Variants in LRFN3 observed in about 807,000 individuals in gnomAD.
The protein encoded by LRFN3 is leucine rich repeat and fibronectin type III domain containing 3.
In LRFN3, 8 loss-of-function variants were observed where a neutral mutation model predicts 23.8. That is an observed-to-expected ratio of 0.34 (90% confidence interval 0.20 to 0.61). The LOEUF is 0.61. Ranked by LOEUF, LRFN3 falls within the 20% of genes least tolerant of loss-of-function variation. The pLI is 0.80. For missense variants in LRFN3, 736 were observed against 935.3 expected (o/e 0.79, Z 2.78); for synonymous variants, 451 against 450.6 (o/e 1.00, Z -0.01).
rs62109676 is a variant in LRFN3, at chr19:35,936,840, G to C, written c.-732G>C. 26,710 of 152,076 alleles carry C rather than the reference G, an allele frequency of 0.18. 2,945 individuals are homozygous for C. The highest frequency in any genetic ancestry group is 0.33 in the East Asian group (1,680 of 5,154). The allele number at this position is 152,076 out of a possible 1,614,324, so 9.4% of individuals were successfully genotyped here. A position where few individuals can be genotyped will look rare whatever the true frequency, so the allele number is the denominator to read the frequency against. The stretch of plus-strand genomic sequence containing the variant: ...CGGCCGTGGAACCCCAAGATCTGGA[G>C]CCTGAACCCCAGTATATGGGGCTGG... On this transcript the variant is annotated 5_prime_UTR_variant, in exon 1 of 3. Coordinates refer to ENST00000246529, the MANE Select transcript of LRFN3 (RefSeq NM_024509.2).
At chr19:35,940,910 A>G in intron 2 of LRFN3, 70 bp downstream of exon 2, 3 of 1,447,300 alleles carry the variant, frequency 2.1e-6, no homozygotes, top group Non-Finnish European at 2.7e-6. Context: ...GGGTACACCT[A>G]CTAATACCCT....
In LRFN3 at chr19:35,945,209, G is replaced by A. The variant is rs777113022; in HGVS notation, c.*190G>A. The A allele has an allele frequency of 1.7e-5, 8 of 461,854 alleles. No homozygotes were observed. Among genetic ancestry groups the A allele is most frequent in the Non-Finnish European group, 3.0e-5 (8 of 265,510 alleles). 28.6% of individuals were successfully genotyped at this position (461,854 alleles called of 1,614,324 possible). The stretch of plus-strand genomic sequence containing the variant: ...AGCTTGGGCGAAGACCCTTGCCCTC[G>A]TCTCTGTCTATGGGGGTTGGGGGAC... On this transcript the variant is annotated 3_prime_UTR_variant, in exon 3 of 3. Coordinates refer to ENST00000246529, the MANE Select transcript of LRFN3 (RefSeq NM_024509.2).
rs759684398 is a variant in LRFN3 at position 35,940,373 on chromosome 19, C to A, written c.948C>A (p.Arg316=). 5 of 1,571,104 alleles carry A rather than the reference C, an allele frequency of 3.2e-6. No homozygotes were observed. The highest frequency in any genetic ancestry group is 4.3e-6 in the Non-Finnish European group (5 of 1,163,952). ...AVPAGRPAAL[R]CRAVGDPEPR... ...CCGCAGGTCGGCCGGCTGCCCTGCG[C>A]TGCCGGGCAGTGGGGGACCCAGAGC... is the stretch of plus-strand genomic sequence containing the variant. The change falls in exon 2 of 3, where the codon CGC becomes CGA. Residue 316 remains arginine, a synonymous_variant. Coordinates refer to ENST00000246529, the MANE Select transcript of LRFN3 (RefSeq NM_024509.2).
chr19:35,942,470 C>T (rs1204068450), intron 2 of LRFN3, among the ~76,000 whole-genome samples: 2 of 152,202 alleles, frequency 1.3e-5, no homozygotes, highest in South Asian at 2.1e-4. Flanking sequence ...GGATGGACTG[C>T]GGCTGTGGGT....
rs1021969166 is a variant in LRFN3 at position 35,945,364 on chromosome 19, C to T, written c.*345C>T. The T allele has an allele frequency of 1.4e-5, 3 of 213,752 alleles. No individual in the cohort carries two copies. The highest frequency in any genetic ancestry group is 2.2e-4 in the East Asian group (2 of 9,156). 13.2% of individuals were successfully genotyped at this position (213,752 alleles called of 1,614,324 possible). On this transcript the variant is annotated 3_prime_UTR_variant, in exon 3 of 3. Transcript: ENST00000246529. ...CAGACAATAGATGTTCCCTGCGTGT[C>T]GGCTCTGAGCATGCCCTGGGTTGGG...
At position 35,946,287 on chromosome 19, in the gene LRFN3, C is replaced by T. The variant is rs1056170982; in HGVS notation, c.*1268C>T. 4.0e-5 allele frequency among the ~76,000 whole-genome samples: 6 copies of T among 151,590 alleles called. No individual in the cohort carries two copies. The highest frequency in any genetic ancestry group is 1.9e-4 in the East Asian group (1 of 5,166). On this transcript the variant is annotated 3_prime_UTR_variant, in exon 3 of 3. Transcript: ENST00000246529. ...GGAACTGACGCTGCTGGGGTTAAGA[C>T]GGCTTCTTGTGGGGGATGATTCCAA...
Position 35,945,027 on chromosome 19 carries a change from C to G in LRFN3, c.*8C>G, listed in dbSNP as rs1288770883. On this transcript the variant is annotated 3_prime_UTR_variant, in exon 3 of 3. Coordinates refer to ENST00000246529, the MANE Select transcript of LRFN3 (RefSeq NM_024509.2). ...GAACCTGTGGGACCCTAGCCAGGCG[C>G]CCCCCCCTCTAAGGGTCCTCTGGCC... 7.7e-7 allele frequency: 1 copy of G among 1,295,944 alleles called. No homozygotes were observed. The highest frequency in any genetic ancestry group is 9.6e-7 in the Non-Finnish European group (1 of 1,045,512). The allele number at this position is 1,295,944 out of a possible 1,614,324, so 80.3% of individuals were successfully genotyped here. A position where few individuals can be genotyped will look rare whatever the true frequency, so the allele number is the denominator to read the frequency against.
Position 35,937,466 on chromosome 19 carries a change from GA to G in LRFN3, c.-102del. ...CCCTCTACAGAAGCCTTGGGGACAG[GA>G]AAAGCATGACCAGATGCTCCCTCCA... On this transcript the variant is annotated 5_prime_UTR_variant, in exon 1 of 3. Coordinates refer to ENST00000246529, the MANE Select transcript of LRFN3 (RefSeq NM_024509.2). 6.5e-6 allele frequency: 1 copy of G among 152,828 alleles called. No homozygotes were observed. The highest frequency in any genetic ancestry group is 1.5e-5 in the Non-Finnish European group (1 of 68,134). The allele number at this position is 152,828 out of a possible 1,614,324, so 9.5% of individuals were successfully genotyped here. A position where few individuals can be genotyped will look rare whatever the true frequency, so the allele number is the denominator to read the frequency against.
chr19:35,944,221 C>T lies in LRFN3; in HGVS notation c.1416-327C>T, dbSNP rs1266420322. On this transcript the variant is annotated intron_variant, in intron 2 of 2. Coordinates refer to ENST00000246529, the MANE Select transcript of LRFN3 (RefSeq NM_024509.2). This position sits in a 1 kb window ranked among gnomAD's most constrained non-coding sequence, Gnocchi z 4.5. The stretch of plus-strand genomic sequence containing the variant: ...AACAGAAAGAAAGAAAGAAAAGAAA[C>T]AGGATGGATTGGAAGAACTCACGTG... Among the ~76,000 whole-genome samples the T allele has an allele frequency of 6.6e-6, 1 of 152,028 alleles. No homozygotes were observed. The highest frequency in any genetic ancestry group is 6.6e-5 in the Admixed American group (1 of 15,244).
Position 35,939,824 on chromosome 19 carries a change from G to T in LRFN3, c.399G>T (p.Leu133Phe). Residue 133 changes from leucine to phenylalanine, a missense_variant, in exon 2 of 3, where the codon TTG (leucine) becomes TTT (phenylalanine). By Grantham distance (22) the Leu-to-Phe change is conservative. Transcript: ENST00000246529. This position sits in a 1 kb window ranked among gnomAD's most constrained non-coding sequence, Gnocchi z 6.4. ...GCCAGCTGCGCGGCCTGGTCAACTT[G>T]CGCCACCTCATCCTCAGCAACAACC... ...GEGQLRGLVN[L>F]RHLILSNNQL... 1 of 1,602,700 alleles carries T rather than the reference G, an allele frequency of 6.2e-7. No homozygotes were observed.
Position 35,946,365 on chromosome 19 carries a change from G to T in LRFN3, c.*1346G>T, listed in dbSNP as rs1319149917. 6.6e-6 allele frequency among the ~76,000 whole-genome samples: 1 copy of T among 151,270 alleles called. No individual in the cohort carries two copies. The highest frequency in any genetic ancestry group is 1.5e-5 in the Non-Finnish European group (1 of 67,870). On this transcript the variant is annotated 3_prime_UTR_variant, in exon 3 of 3. Transcript: ENST00000246529. ...TTTCTTTTTTTTTTTTACAGATGGG[G>T]TCTCACTATATTGCCCAGGCTGATC...
Position 35,945,263 on chromosome 19 carries a change from C to T in LRFN3, c.*244C>T. The T allele has an allele frequency of 2.6e-6, 1 of 390,874 alleles. No individual in the cohort carries two copies. The highest frequency in any genetic ancestry group is 4.5e-6 in the Non-Finnish European group (1 of 221,348). The allele number at this position is 390,874 out of a possible 1,614,324, so 24.2% of individuals were successfully genotyped here. The stretch of plus-strand genomic sequence containing the variant: ...GCAGGGGTCTGGAGCTGGGGAATGC[C>T]TCCTTTGGGGAGACACCCCCTCCCC... On this transcript the variant is annotated 3_prime_UTR_variant, in exon 3 of 3. Transcript: ENST00000246529.
intron 1 of LRFN3, among the ~76,000 whole-genome samples, chr19:35,938,594 C>G (rs1273751668): frequency 6.6e-6 from 1 of 152,202 alleles, no homozygotes; most frequent in Non-Finnish European, 1.5e-5. Context: ...CCGATGACCT[C>G]TCCCCGCACC....
rs754422078 is a variant in LRFN3, at chr19:35,940,661, C to T, written c.1236C>T (p.Ser412=). ...DGDPDALTPP[S]AASASAKVAD... ...ATCCTGATGCTCTCACCCCACCCTC[C>T]GCTGCCTCTGCTTCTGCCAAGGTGG... Residue 412 remains serine (S), a synonymous_variant, in exon 2 of 3, where the codon TCC becomes TCT. Coordinates refer to ENST00000246529, the MANE Select transcript of LRFN3 (RefSeq NM_024509.2). The T allele has an allele frequency of 1.3e-5, 21 of 1,612,642 alleles. No homozygotes were observed. Among genetic ancestry groups the T allele is most frequent in the East Asian group, 1.1e-4 (5 of 44,878 alleles).
Position 35,945,083 on chromosome 19 carries a change from G to A in LRFN3, c.*64G>A. On this transcript the variant is annotated 3_prime_UTR_variant, in exon 3 of 3. Transcript: ENST00000246529. ...GACAGCAGGACCCGGACACCCTGTG[G>A]GACCTGGCCTCAAACTCACCAAATC... 1 of 1,021,552 alleles carries A rather than the reference G, an allele frequency of 9.8e-7. No individual in the cohort carries two copies. Among genetic ancestry groups the A allele is most frequent in the Non-Finnish European group, 1.3e-6 (1 of 757,420 alleles). The allele number at this position is 1,021,552 out of a possible 1,614,324, so 63.3% of individuals were successfully genotyped here.
chr19:35,940,638 C>A lies in LRFN3; in HGVS notation c.1213C>A (p.Pro405Thr). The A allele has an allele frequency of 6.2e-7, 1 of 1,610,884 alleles. No individual in the cohort carries two copies. ...TSCDPPRDGD[P>T]DALTPPSAAS... ...CTGTGACCCCCCGCGGGACGGGGAT[C>A]CTGATGCTCTCACCCCACCCTCCGC... The change falls in exon 2 of 3, where the codon CCT becomes ACT. Residue 405 changes from proline to threonine, a missense_variant. Around this residue, in one of 2 missense-constraint regions of LRFN3, gnomAD observed 446 missense variants for 647.9 expected, o/e 0.69. Transcript: ENST00000246529.
Position 35,944,507 on chromosome 19 carries a change from T to C in LRFN3, c.1416-41T>C. 3.7e-6 allele frequency: 5 copies of C among 1,350,944 alleles called. No homozygotes were observed. Among genetic ancestry groups the C allele is most frequent in the Non-Finnish European group, 4.8e-6 (5 of 1,040,580 alleles). The allele number at this position is 1,350,944 out of a possible 1,614,324, so 83.7% of individuals were successfully genotyped here. On this transcript the variant is annotated intron_variant, in intron 2 of 2. Transcript: ENST00000246529. The surrounding 1 kb of genome is among the most constrained non-coding windows in gnomAD (Gnocchi z 4.5). The stretch of plus-strand genomic sequence containing the variant: ...GGTGGGGGAAGCACAGGTTGGGGGC[T>C]GGGCAGCCTGAGACCTGACCCCCAC...
chr19:35,942,757 G>A (rs1039643048), intron 2 of LRFN3, among the ~76,000 whole-genome samples: 3 of 152,084 alleles, frequency 2.0e-5, no homozygotes, highest in African/African-American at 7.2e-5. Flanking sequence ...GGCCAGGCGC[G>A]GTGGCTTAAC....
Position 35,940,029 on chromosome 19 carries a change from C to A in LRFN3, c.604C>A (p.Arg202Ser). The A allele has an allele frequency of 6.2e-7, 1 of 1,612,596 alleles. No homozygotes were observed. Residue 202 changes from arginine to serine, a missense_variant, in exon 2 of 3, where the codon CGC (arginine) becomes AGC (serine). By Grantham distance (110) the Arg-to-Ser change is moderately radical. Coordinates refer to ENST00000246529, the MANE Select transcript of LRFN3 (RefSeq NM_024509.2). ...LASVPAGAFS[R>S]LHKLARLDMT... ...TTCTGTGCCCGCCGGCGCTTTTTCC[C>A]GCCTGCACAAGCTGGCCCGGCTGGA... is the stretch of plus-strand genomic sequence containing the variant.
Sources: gnomAD v4.1 joint callset for allele counts (sites outside exome capture counted in the v4.1 genomes callset) on GRCh38, gnomAD v4.1.1 for gene constraint, gnomAD v4.1.1 regional missense constraint, Gnocchi (gnomAD v3.1) non-coding constraint, MANE v1.5 for transcripts, NCBI Gene and HGNC (gene_info 2026-07-23, HGNC 2026-07-21) for gene names.